NECAB1: variants seen among roughly 807,000 people sequenced by gnomAD.
The protein encoded by NECAB1 is N-terminal EF-hand calcium binding protein 1.
Under a neutral mutation model 57.5 loss-of-function variants are expected in NECAB1, and 29 were observed. That is an observed-to-expected ratio of 0.50 (90% CI 0.38 to 0.69). The LOEUF (loss-of-function observed/expected upper bound fraction) is 0.69. NECAB1 is among the 30% of genes least tolerant of loss of function. The probability of loss-of-function intolerance (pLI) is 0.00; values close to 1 mark genes in which losing one functional copy is unlikely to be tolerated. For missense variants in NECAB1, 372 were observed against 413.8 expected, an observed-to-expected ratio of 0.90 and a Z score of 0.88; for synonymous variants, 142 against 147.7, an observed-to-expected ratio of 0.96 and a Z score of 0.28.
chr8:90,931,883 G>A (rs888281725), intron 8 of NECAB1, among the ~76,000 whole-genome samples: 9 of 151,344 alleles, frequency 5.9e-5, no homozygotes, highest in Admixed American at 3.3e-4. Flanking sequence ...CAGCCTGAGC[G>A]AAAGAGTAAA....
intron 5 of NECAB1, among the ~76,000 whole-genome samples, chr8:90,911,117 A>G (rs1809820534): frequency 6.6e-6 from 1 of 152,170 alleles, no homozygotes; most frequent in African/African-American, 2.4e-5. Context: ...ATCTTCCCCA[A>G]ATCCTCCTGT....
chr8:90,873,320 C>T (rs1270258331), intron 4 of NECAB1, among the ~76,000 whole-genome samples: 3 of 152,168 alleles, frequency 2.0e-5, no homozygotes, highest in Non-Finnish European at 4.4e-5. Context: ...GAAATACCAA[C>T]AGGGAAAATC....
chr8:90,837,053 T>C (rs1202329319), intron 3 of NECAB1, among the ~76,000 whole-genome samples: 1 of 152,216 alleles, frequency 6.6e-6, no homozygotes, highest in Non-Finnish European at 1.5e-5. Context: ...CTTTAACACA[T>C]TTAAGTCATC....
intron 5 of NECAB1, among the ~76,000 whole-genome samples, chr8:90,903,327 A>G (rs1167063769): frequency 1.3e-5 from 2 of 152,166 alleles, no homozygotes; most frequent in Non-Finnish European, 2.9e-5. Context: ...TTGCTACTTC[A>G]AAAGTGAAAG....
chr8:90,907,467 A>G (rs1809717299), intron 5 of NECAB1, among the ~76,000 whole-genome samples: 1 of 152,198 alleles, frequency 6.6e-6, no homozygotes, highest in African/African-American at 2.4e-5. Context: ...AGAACACAAT[A>G]AAGTTACAGG....
At chr8:90,926,504 C>T (rs763314548) in intron 7 of NECAB1, among the ~76,000 whole-genome samples, 1 of 152,144 alleles carries the variant, frequency 6.6e-6, no homozygotes, top group Admixed American at 6.6e-5. Flanking sequence ...GAATATTAGT[C>T]CATTTTTATT....
chr8:90,955,675 C>A lies in NECAB1; in HGVS notation c.*163C>A. Reference sequence around the variant, plus strand: ...AACTTATTCTATAACTTTATCAATTCATGTGAATTTTAGCTCAATTTTCAA... The same window carrying A: ...AACTTATTCTATAACTTTATCAATTAATGTGAATTTTAGCTCAATTTTCAA... On this transcript the variant is annotated 3_prime_UTR_variant, in exon 13 of 13. Coordinates refer to ENST00000417640, the MANE Select transcript of NECAB1 (RefSeq NM_022351.5). The A allele has an allele frequency of 2.0e-6, 1 of 488,048 alleles. No individual in the cohort carries two copies. The highest frequency in any genetic ancestry group is 3.6e-6 in the Non-Finnish European group (1 of 281,226). 30.2% of individuals were successfully genotyped at this position (488,048 alleles called of 1,614,324 possible).
intron 5 of NECAB1, among the ~76,000 whole-genome samples, chr8:90,896,867 C>A (rs1431228726): frequency 6.6e-6 from 1 of 151,868 alleles, no homozygotes; most frequent in Admixed American, 6.6e-5. Flanking sequence ...TGACTCCCGC[C>A]AAAGCACTCA....
chr8:90,849,002 G>A (rs750504001), intron 3 of NECAB1, among the ~76,000 whole-genome samples: 40 of 152,012 alleles, frequency 2.6e-4, no homozygotes, highest in Non-Finnish European at 4.4e-4. Context: ...ACTACCACAA[G>A]AACAGCACAC....
At chr8:90,865,420 C>G (rs1171436059) in intron 3 of NECAB1, among the ~76,000 whole-genome samples, 4 of 152,082 alleles carry the variant, frequency 2.6e-5, no homozygotes, top group African/African-American at 9.7e-5. Flanking sequence ...AGACAGACTT[C>G]AAGCCAACTG....
rs34288387 is a variant in NECAB1, at chr8:90,917,840, CTATATATATATATATATA to C, written c.494+226_494+243del. Among the ~76,000 whole-genome samples the C allele has an allele frequency of 1.1e-3, 52 of 47,330 alleles. 1 individual carries two copies. Among genetic ancestry groups the C allele is most frequent in the African/African-American group, 6.3e-3 (47 of 7,466 alleles). The allele number at this position is 47,330 out of a possible 152,430, so 31.1% of individuals were successfully genotyped here. ...CTTTTACTGTCAGTCATTTAGTAAACTATATATATATATATATATATATATATATATGTGTGTGTGTGC... is the reference window on the plus strand; with the variant it reads ...CTTTTACTGTCAGTCATTTAGTAAACTATATATATATATGTGTGTGTGTGC... On this transcript the variant is annotated intron_variant, in intron 6 of 12. Transcript: ENST00000417640.
chr8:90,817,150 C>T (rs1812072294), intron 2 of NECAB1, among the ~76,000 whole-genome samples: 1 of 151,618 alleles, frequency 6.6e-6, no homozygotes, highest in Non-Finnish European at 1.5e-5. Flanking sequence ...TGTATATTAA[C>T]CTTGTATCGT....
At chr8:90,834,659 C>T (rs998767023) in intron 3 of NECAB1, among the ~76,000 whole-genome samples, 1 of 152,064 alleles carries the variant, frequency 6.6e-6, no homozygotes, top group Non-Finnish European at 1.5e-5. Context: ...GACTAAGACA[C>T]TCACAAACCA....
At position 90,955,114 on chromosome 8, in the gene NECAB1, AT is replaced by A. The variant is rs1380296958; in HGVS notation, c.1031-372del. Among the ~76,000 whole-genome samples the A allele has an allele frequency of 8.8e-4, 60 of 68,102 alleles. 2 individuals carry two copies. Among genetic ancestry groups the A allele is most frequent in the African/African-American group, 6.8e-3 (59 of 8,728 alleles). The allele number at this position is 68,102 out of a possible 152,430, so 44.7% of individuals were successfully genotyped here. On this transcript the variant is annotated intron_variant, in intron 12 of 12. Transcript: ENST00000417640. ...TTCATAAATATTGGGTATATAAATTATATATATATATATATATATATATATA... is the reference window on the plus strand; with the variant it reads ...TTCATAAATATTGGGTATATAAATTAATATATATATATATATATATATATA...
At chr8:90,940,008 C>T (rs1810629695) in intron 9 of NECAB1, among the ~76,000 whole-genome samples, 1 of 152,242 alleles carries the variant, frequency 6.6e-6, no homozygotes, top group Non-Finnish European at 1.5e-5. Context: ...TTTATACTTT[C>T]ACTACCAATT....
intron 2 of NECAB1, among the ~76,000 whole-genome samples, chr8:90,815,327 C>T (rs1373873520): frequency 1.3e-5 from 2 of 152,008 alleles, no homozygotes; most frequent in Non-Finnish European, 2.9e-5. Flanking sequence ...TTGTTTTGTA[C>T]ATTCCTAATA....
chr8:90,889,295 G>C (rs532703075), intron 5 of NECAB1, among the ~76,000 whole-genome samples: 1 of 152,060 alleles, frequency 6.6e-6, no homozygotes. Context: ...AACAGGAAAC[G>C]AAGACAAAAA....
intron 2 of NECAB1, 72 bp downstream of exon 2, chr8:90,801,787 G>A: frequency 9.9e-7 from 1 of 1,011,172 alleles, no homozygotes; most frequent in Non-Finnish European, 1.4e-6. Flanking sequence ...ATAATAATCA[G>A]GAAAAAGGGG....
intron 1 of NECAB1, 38 bp from the exon 2 acceptor site, chr8:90,801,653 T>C: frequency 7.1e-7 from 1 of 1,412,482 alleles, no homozygotes; most frequent in Non-Finnish European, 9.7e-7. Context: ...AATATTTATC[T>C]AAAATGCTGA....
Sources: allele counts gnomAD v4.1 joint callset (sites outside exome capture counted in the v4.1 genomes callset), GRCh38; gene constraint gnomAD v4.1.1; transcripts MANE v1.5; gene names NCBI Gene and HGNC (gene_info 2026-07-23, HGNC 2026-07-21).